Variants in LMO1 observed in about 807,000 individuals in gnomAD.
LMO1 encodes LIM domain only 1.
In LMO1, 10 loss-of-function variants were observed where a neutral mutation model predicts 18.0. The ratio of observed to expected loss-of-function variants is 0.55; its 90% CI spans 0.34 to 0.94. The LOEUF (loss-of-function observed/expected upper bound fraction) is 0.94, where lower values mean the gene tolerates loss of function less well. Ranked by LOEUF, LMO1 falls within the 40% of genes least tolerant of loss-of-function variation. LMO1 has a pLI of 0.02. For missense variants in LMO1, 183 were observed against 205.7 expected (o/e 0.89, Z 0.68); for synonymous variants, 77 against 77.9 (o/e 0.99, Z 0.06).
chr11:8,253,286 A>G (rs1475376194), intron 1 of LMO1, among the ~76,000 whole-genome samples: 1 of 152,242 alleles, frequency 6.6e-6, no homozygotes, highest in African/African-American at 2.4e-5. Flanking sequence ...TTTCCAAAGC[A>G]CATCCACTTC....
chr11:8,237,226 G>A (rs1590536470), intron 1 of LMO1, among the ~76,000 whole-genome samples: 1 of 152,166 alleles, frequency 6.6e-6, no homozygotes, highest in African/African-American at 2.4e-5. Context: ...TTGCCTGCCT[G>A]GGCCCACACC....
upstream of LMO1, among the ~76,000 whole-genome samples, chr11:8,264,717 C>T (rs1445555727): frequency 1.3e-5 from 2 of 151,386 alleles, no homozygotes; most frequent in Non-Finnish European, 2.9e-5. Flanking sequence ...CTGCAAGCTC[C>T]GGCTCCCAGG....
intron 1 of LMO1, among the ~76,000 whole-genome samples, chr11:8,262,043 G>A (rs893046334): frequency 2.0e-5 from 3 of 152,132 alleles, no homozygotes; most frequent in African/African-American, 2.4e-5. Context: ...TGGGGGCATC[G>A]GCACCTGGCA....
chr11:8,262,896 GA>G (rs990314058), intron 1 of LMO1, among the ~76,000 whole-genome samples: 11 of 151,704 alleles, frequency 7.3e-5, no homozygotes, highest in Non-Finnish European at 1.6e-4. Flanking sequence ...CGAAGCCGCT[GA>G]TTTGCTCGGC....
At chr11:8,252,663 T>C (rs888937837) in intron 1 of LMO1, among the ~76,000 whole-genome samples, 3 of 152,254 alleles carry the variant, frequency 2.0e-5, no homozygotes, top group Non-Finnish European at 4.4e-5. Flanking sequence ...ATGGCCACCA[T>C]GGCCAGCAAG....
chr11:8,243,741 A>G (rs73415230), intron 1 of LMO1, among the ~76,000 whole-genome samples: 1,955 of 152,350 alleles, frequency 0.013, 35 homozygotes, highest in African/African-American at 0.043. Flanking sequence ...GGGCCTCACC[A>G]AGCCAGAACA....
intron 1 of LMO1, among the ~76,000 whole-genome samples, chr11:8,263,017 C>A (rs931197807): frequency 1.3e-5 from 2 of 152,098 alleles, no homozygotes; most frequent in African/African-American, 2.4e-5. Context: ...GCGCGGAGAT[C>A]GCAAGGGAGC....
intron 1 of LMO1, among the ~76,000 whole-genome samples, chr11:8,232,371 G>A (rs7117825): frequency 0.035 from 5,376 of 152,304 alleles, 110 homozygotes; most frequent in Middle Eastern, 0.054. Context: ...GAGGGCAGCT[G>A]GGGAGCAGAT....
rs1413773874 is a variant in LMO1, at chr11:8,224,450, C to T, written c.*166G>A. The T allele has an allele frequency of 1.2e-5, 7 of 594,204 alleles. No homozygotes were observed. Among genetic ancestry groups the T allele is most frequent in the Middle Eastern group, 4.5e-4 (1 of 2,242 alleles). 36.8% of individuals were successfully genotyped at this position (594,204 alleles called of 1,614,324 possible). On this transcript the variant is annotated 3_prime_UTR_variant, in exon 4 of 4. Transcript: ENST00000335790. The stretch of plus-strand genomic sequence containing the variant: ...CCAGGAGGGGTCACACACAGACGGG[C>T]GGTGGTGGAGGAGGAAGGGCCATCC...
intron 1 of LMO1, among the ~76,000 whole-genome samples, chr11:8,233,032 C>T (rs204927): frequency 0.87 from 133,027 of 152,232 alleles, 58,411 homozygotes; most frequent in Middle Eastern, 0.9. Flanking sequence ...AGCTGCCAGC[C>T]GCCGCAGGTC....
At position 8,251,983 on chromosome 11, in the gene LMO1, T is replaced by TG. The variant is rs1250862917; in HGVS notation, c.25+11354dup. On this transcript the variant is annotated intron_variant, in intron 1 of 3. Transcript: ENST00000335790. Reference sequence around the variant, plus strand: ...GTTTGTGTGTGGGGGTGTGCGTGTGTGGGGGTGTGCGTGTGTGTGTGTGAA... The same window carrying TG: ...GTTTGTGTGTGGGGGTGTGCGTGTGTGGGGGGTGTGCGTGTGTGTGTGTGAA... 3.4e-5 allele frequency among the ~76,000 whole-genome samples: 4 copies of TG among 118,008 alleles called. No homozygotes were observed. In the East Asian group the frequency reaches 1.9e-3, roughly 55 times the overall value. The allele number at this position is 118,008 out of a possible 152,430, so 77.4% of individuals were successfully genotyped here. A position where few individuals can be genotyped will look rare whatever the true frequency, so the allele number is the denominator to read the frequency against.
At chr11:8,255,495 T>C (rs900623037) in intron 1 of LMO1, among the ~76,000 whole-genome samples, 1 of 152,176 alleles carries the variant, frequency 6.6e-6, no homozygotes, top group African/African-American at 2.4e-5. Flanking sequence ...CAGAGTGAGA[T>C]GTCTCAAAAA....
At chr11:8,261,619 T>TC (rs1434787969) in intron 1 of LMO1, among the ~76,000 whole-genome samples, 1 of 152,118 alleles carries the variant, frequency 6.6e-6, no homozygotes, top group Non-Finnish European at 1.5e-5. Context: ...CCTTGCATGC[T>TC]CCCCATAGTG....
chr11:8,266,163 A>G (rs974804380), upstream of LMO1, among the ~76,000 whole-genome samples: 2 of 152,078 alleles, frequency 1.3e-5, no homozygotes, highest in African/African-American at 4.8e-5. Context: ...CTCTTTCTGC[A>G]CCCCCAGCTG....
chr11:8,251,080 A>G (rs1846983648), intron 1 of LMO1, among the ~76,000 whole-genome samples: 1 of 152,170 alleles, frequency 6.6e-6, no homozygotes, highest in Admixed American at 6.5e-5. Context: ...CCAGTGAAAG[A>G]GAAAGAGACC....
rs191587834 is a variant in LMO1, at chr11:8,226,492, G to A, written c.365+483C>T. ...TGTGAGATCACACCACTGCACCCCA[G>A]CCTGGGCAACAGAGTGAGACTATCT... On this transcript the variant is annotated intron_variant, in intron 3 of 3. Transcript: ENST00000335790. Among the ~76,000 whole-genome samples, 3 of 152,302 alleles carry A rather than the reference G, an allele frequency of 2.0e-5. No individual in the cohort carries two copies. In the East Asian group the frequency reaches 5.8e-4, roughly 29 times the overall value.
At chr11:8,242,790 C>A (rs189073620) in intron 1 of LMO1, among the ~76,000 whole-genome samples, 20 of 152,344 alleles carry the variant, frequency 1.3e-4, no homozygotes, top group African/African-American at 4.3e-4. Context: ...AGACGAGTCT[C>A]AATTTCACAG....
chr11:8,234,964 C>T (rs1401556655), intron 1 of LMO1, among the ~76,000 whole-genome samples: 1 of 152,184 alleles, frequency 6.6e-6, no homozygotes, highest in African/African-American at 2.4e-5. Flanking sequence ...CTCCAAGGAG[C>T]TGGGGGGCCT....
chr11:8,252,113 C>T (rs1173042880), intron 1 of LMO1, among the ~76,000 whole-genome samples: 1 of 152,176 alleles, frequency 6.6e-6, no homozygotes, highest in East Asian at 1.9e-4. Context: ...TTTACCGCCA[C>T]CTCCCCAGGC....
Sources: gnomAD v4.1 joint callset for allele counts (sites outside exome capture counted in the v4.1 genomes callset) on GRCh38, gnomAD v4.1.1 for gene constraint, MANE v1.5 for transcripts, NCBI Gene and HGNC (gene_info 2026-07-23, HGNC 2026-07-21) for gene names.